Variants in TMEM132D observed in about 807,000 individuals in gnomAD.
TMEM132D encodes the protein transmembrane protein 132D.
In TMEM132D, 21 loss-of-function variants were observed where a neutral mutation model predicts 62.3. That is an observed-to-expected ratio of 0.34 (90% confidence interval 0.24 to 0.49). The LOEUF (loss-of-function observed/expected upper bound fraction) is 0.49, where lower values mean the gene tolerates loss of function less well. Ranked by LOEUF, TMEM132D falls within the 20% of genes least tolerant of loss-of-function variation. The pLI is 0.99. For synonymous variants in TMEM132D, 621 were observed against 575.6 expected (o/e 1.08, Z -1.13); for missense variants, 1,346 against 1,402.8 (o/e 0.96, Z 0.65).
At chr12:129,438,357 T>C (rs906680656) in intron 3 of TMEM132D, among the ~76,000 whole-genome samples, 1 of 152,176 alleles carries the variant, frequency 6.6e-6, no homozygotes, top group African/African-American at 2.4e-5. Context: ...AGTCCCACAC[T>C]GGAAGCAACT....
intron 1 of TMEM132D, among the ~76,000 whole-genome samples, chr12:129,770,716 C>A (rs1026734990): frequency 1.3e-5 from 2 of 152,146 alleles, no homozygotes; most frequent in African/African-American, 4.8e-5. Flanking sequence ...AGAACACTTA[C>A]ATTTTCCTAC....
chr12:129,875,504 T>C (rs1192088325), intron 1 of TMEM132D, among the ~76,000 whole-genome samples: 1 of 152,192 alleles, frequency 6.6e-6, no homozygotes, highest in Non-Finnish European at 1.5e-5. Flanking sequence ...CACCAAGTCA[T>C]GGAACTGGTG....
intron 4 of TMEM132D, among the ~76,000 whole-genome samples, chr12:129,292,504 T>C (rs1881473234): frequency 6.6e-6 from 1 of 150,394 alleles, no homozygotes; most frequent in Non-Finnish European, 1.5e-5. Context: ...AGGGCCAGGG[T>C]TAATGACCAA....
chr12:129,255,909 C>T (rs1735402532), intron 4 of TMEM132D, among the ~76,000 whole-genome samples: 1 of 152,180 alleles, frequency 6.6e-6, no homozygotes, highest in South Asian at 2.1e-4. Context: ...TTGCTATGTC[C>T]TTGGGGAGGG....
At chr12:129,649,106 C>T (rs1879859617) in intron 2 of TMEM132D, among the ~76,000 whole-genome samples, 1 of 152,084 alleles carries the variant, frequency 6.6e-6, no homozygotes, top group Admixed American at 6.5e-5. Context: ...AATGAAGAAA[C>T]CAATATTTAG....
intron 1 of TMEM132D, among the ~76,000 whole-genome samples, chr12:129,842,454 C>T (rs1873227338): frequency 6.7e-6 from 1 of 148,948 alleles, no homozygotes; most frequent in Admixed American, 6.7e-5. Flanking sequence ...AGAAATATTT[C>T]TTTTTTTTTT....
chr12:129,655,122 T>A (rs1017614992), intron 2 of TMEM132D, among the ~76,000 whole-genome samples: 7 of 151,914 alleles, frequency 4.6e-5, no homozygotes, highest in African/African-American at 1.5e-4. Flanking sequence ...TACTTTTTTC[T>A]ATTTTTAGTA....
intron 2 of TMEM132D, among the ~76,000 whole-genome samples, chr12:129,578,993 T>A (rs1053607336): frequency 2.6e-5 from 4 of 152,136 alleles, no homozygotes; most frequent in African/African-American, 9.7e-5. Flanking sequence ...TGTTAACACA[T>A]CAAAAATTAA....
chr12:129,760,443 T>C (rs1175998670), intron 1 of TMEM132D, among the ~76,000 whole-genome samples: 3 of 146,574 alleles, frequency 2.0e-5, no homozygotes, highest in African/African-American at 5.0e-5. Flanking sequence ...GCCACTCTCC[T>C]TCCTCAGCCT....
At chr12:129,338,346 G>T (rs1241724567) in intron 3 of TMEM132D, among the ~76,000 whole-genome samples, 1 of 152,186 alleles carries the variant, frequency 6.6e-6, no homozygotes, top group Non-Finnish European at 1.5e-5. Context: ...GGTCAAGGGG[G>T]TCGCTGTGAT....
chr12:129,776,022 A>C (rs1347808892), intron 1 of TMEM132D, among the ~76,000 whole-genome samples: 1 of 151,930 alleles, frequency 6.6e-6, no homozygotes, highest in Non-Finnish European at 1.5e-5. Flanking sequence ...AGATTCAGCA[A>C]CTCATGAGCC....
intron 2 of TMEM132D, among the ~76,000 whole-genome samples, chr12:129,532,879 C>A (rs1165108283): frequency 2.6e-5 from 4 of 152,174 alleles, no homozygotes; most frequent in Non-Finnish European, 5.9e-5. Context: ...CGTGACTCCA[C>A]GGGGAGAGGA....
intron 1 of TMEM132D, among the ~76,000 whole-genome samples, chr12:129,818,945 G>A (rs1224909724): frequency 6.6e-6 from 1 of 151,918 alleles, no homozygotes; most frequent in East Asian, 1.9e-4. Flanking sequence ...TGAGGTGGGA[G>A]GATTGCTTGA....
rs926119822 is a variant in TMEM132D, at chr12:129,711,622, G to A, written c.80-10924C>T. Among the ~76,000 whole-genome samples, 11 of 151,504 alleles carry A rather than the reference G, an allele frequency of 7.3e-5. No homozygotes were observed. The South Asian group carries it at 2.1e-3, about 29-fold the overall frequency. The stretch of plus-strand genomic sequence containing the variant: ...CAGGCCTGTAATCCCAGCTACTTAG[G>A]AGGCTGAGGCAGGAGAATCACTTCA... On this transcript the variant is annotated intron_variant, in intron 1 of 8. Coordinates refer to ENST00000422113, the MANE Select transcript of TMEM132D (RefSeq NM_133448.3).
intron 2 of TMEM132D, among the ~76,000 whole-genome samples, chr12:129,617,833 G>T (rs1878962297): frequency 6.6e-6 from 1 of 152,042 alleles, no homozygotes; most frequent in Non-Finnish European, 1.5e-5. Context: ...CACCTCCCAG[G>T]GGCCCCGCCA....
At chr12:129,672,174 T>G (rs1880515056) in intron 2 of TMEM132D, among the ~76,000 whole-genome samples, 1 of 152,238 alleles carries the variant, frequency 6.6e-6, no homozygotes, top group Admixed American at 6.5e-5. Flanking sequence ...TTCTCCTCTC[T>G]AAGCCCACAG....
chr12:129,839,068 G>A (rs561073273), intron 1 of TMEM132D, among the ~76,000 whole-genome samples: 6 of 132,982 alleles, frequency 4.5e-5, no homozygotes, highest in Admixed American at 8.6e-5. Context: ...CTCCTTCCTC[G>A]GCTTCCCAAT....
chr12:129,115,476 T>A (rs906354040), intron 5 of TMEM132D, among the ~76,000 whole-genome samples: 1 of 152,150 alleles, frequency 6.6e-6, no homozygotes, highest in African/African-American at 2.4e-5. Context: ...GGTGCAGGCA[T>A]CGGGGACTCA....
intron 3 of TMEM132D, among the ~76,000 whole-genome samples, chr12:129,408,166 G>A (rs1485439572): frequency 6.6e-6 from 1 of 152,142 alleles, no homozygotes; most frequent in African/African-American, 2.4e-5. Flanking sequence ...CCAAACAGGA[G>A]TTTTTCTATC....
Sources: allele counts gnomAD v4.1 joint callset (sites outside exome capture counted in the v4.1 genomes callset), GRCh38; gene constraint gnomAD v4.1.1; transcripts MANE v1.5; gene names NCBI Gene and HGNC (gene_info 2026-07-23, HGNC 2026-07-21).